FRMD8: variants seen among roughly 807,000 people sequenced by gnomAD.
The protein encoded by FRMD8 is FERM domain containing 8, also known as FERM domain-containing protein 8.
A neutral mutation model predicts 54.2 loss-of-function variants in FRMD8; 37 were observed. The observed-to-expected ratio is 0.68, with a 90% CI of 0.53 to 0.90. FRMD8 has a LOEUF of 0.90. Among genes scored for constraint, FRMD8 ranks in the 40% least tolerant of loss-of-function variants. The pLI is 0.00. For synonymous variants in FRMD8, 246 were observed against 286.9 expected (o/e 0.86, Z 1.44); for missense variants, 585 against 653.7 (o/e 0.89, Z 1.15).
At chr11:65,375,204 A>T in the FRMD8 span, 1 of 152,352 alleles carries the variant, frequency 6.6e-6, no homozygotes, top group East Asian at 1.9e-4. Flanking sequence ...TCATTTAACG[A>T]GCATTTATTG....
the FRMD8 span, chr11:65,379,199 T>C: frequency 1.4e-6 from 1 of 691,218 alleles, no homozygotes; most frequent in Non-Finnish European, 2.4e-6. Context: ...GCCCCCTCTG[T>C]TCCCCACAGC....
chr11:65,379,202 C>T, the FRMD8 span: 40 of 709,478 alleles, frequency 5.6e-5, no homozygotes, highest in Middle Eastern at 4.0e-4. Context: ...CCCTCTGTTC[C>T]CCACAGCCCT....
chr11:65,395,632 C>T (rs889145924), intron 6 of FRMD8, among the ~76,000 whole-genome samples: 1 of 152,234 alleles, frequency 6.6e-6, no homozygotes, highest in East Asian at 1.9e-4. Context: ...AGGCGGGGAA[C>T]CAACTGTGGG....
chr11:65,376,555 T>G, the FRMD8 span: 2 of 1,614,158 alleles, frequency 1.2e-6, no homozygotes, highest in East Asian at 4.5e-5. Flanking sequence ...CAGCATCCCC[T>G]GGTACACTCT....
chr11:65,384,864 C>T (rs1855705699), upstream of FRMD8, among the ~76,000 whole-genome samples: 1 of 152,094 alleles, frequency 6.6e-6, no homozygotes, highest in African/African-American at 2.4e-5. Flanking sequence ...AGATGTGTGC[C>T]ACCACACCTG....
chr11:65,370,395 G>A, the FRMD8 span, among the ~76,000 whole-genome samples: 1 of 147,556 alleles, frequency 6.8e-6, no homozygotes, highest in East Asian at 1.9e-4. Flanking sequence ...GGGGAGAATT[G>A]TACTGCCAAA....
chr11:65,401,466 C>G (rs1043635233), intron 9 of FRMD8, among the ~76,000 whole-genome samples: 1 of 146,872 alleles, frequency 6.8e-6, no homozygotes, highest in African/African-American at 2.5e-5. Context: ...CAGGACTGTT[C>G]CCACCCCTTC....
At chr11:65,384,083 C>A (rs1052269145), upstream of FRMD8, among the ~76,000 whole-genome samples, 1 of 152,154 alleles carries the variant, frequency 6.6e-6, no homozygotes, top group Non-Finnish European at 1.5e-5. Context: ...CTTTTCCAAT[C>A]TCACCGCCTC....
chr11:65,382,324 G>A, upstream of FRMD8: 1 of 293,310 alleles, frequency 3.4e-6, no homozygotes, highest in Admixed American at 4.2e-5. This position sits in a 1 kb window ranked among gnomAD's most constrained non-coding sequence, Gnocchi z 4.4. Context: ...TGCCCAGCCA[G>A]CCCAGCTCCA....
At chr11:65,406,608 G>A (rs535687244) in intron 10 of FRMD8, among the ~76,000 whole-genome samples, 41 of 151,792 alleles carry the variant, frequency 2.7e-4, no homozygotes, top group South Asian at 2.1e-3. Flanking sequence ...GATTACAGGC[G>A]TGAAACATCA....
At chr11:65,405,973 C>T (rs2137931642) in intron 10 of FRMD8, among the ~76,000 whole-genome samples, 1 of 152,062 alleles carries the variant, frequency 6.6e-6, no homozygotes, top group South Asian at 2.1e-4. Flanking sequence ...CCACTGCACT[C>T]CAGCCTGGGT....
intron 6 of FRMD8, 28 bp from the exon 7 acceptor site, chr11:65,396,771 G>T: frequency 7.0e-7 from 1 of 1,435,818 alleles, no homozygotes; most frequent in Non-Finnish European, 9.2e-7. Context: ...TGGTTGGGCC[G>T]CTAGCACCTG....
chr11:65,397,797 G>A (rs887028027), intron 7 of FRMD8, among the ~76,000 whole-genome samples: 4 of 151,734 alleles, frequency 2.6e-5, no homozygotes, highest in African/African-American at 9.7e-5. Context: ...CTGCAGGCTC[G>A]ACCTCCTGGG....
At chr11:65,397,734 CAG>C (rs1311863776) in intron 7 of FRMD8, among the ~76,000 whole-genome samples, 8 of 152,274 alleles carry the variant, frequency 5.3e-5, no homozygotes, top group Admixed American at 4.6e-4. Flanking sequence ...TGTTTTGAGA[CAG>C]GGTCTTGCTC....
intron 10 of FRMD8, among the ~76,000 whole-genome samples, chr11:65,406,289 G>A (rs1391105964): frequency 6.6e-6 from 1 of 151,482 alleles, no homozygotes; most frequent in Non-Finnish European, 1.5e-5. Flanking sequence ...CCACCTCCTG[G>A]GTTCACGCCA....
chr11:65,386,955 C>T, intron 1 of FRMD8, 82 bp from the exon 2 acceptor site: 1 of 1,240,150 alleles, frequency 8.1e-7, no homozygotes, highest in South Asian at 1.3e-5. Context: ...GGATCCCTTA[C>T]CGTACTCACC....
chr11:65,390,982 A>G (rs994147626), intron 3 of FRMD8, among the ~76,000 whole-genome samples: 11 of 152,236 alleles, frequency 7.2e-5, no homozygotes, highest in African/African-American at 1.9e-4. Context: ...GAGGCTGAAA[A>G]GCCACTTCAG....
At chr11:65,369,625 G>T in the FRMD8 span, among the ~76,000 whole-genome samples, 1 of 152,000 alleles carries the variant, frequency 6.6e-6, no homozygotes, top group Non-Finnish European at 1.5e-5. Context: ...AGCTATTGAG[G>T]AGGCTGAGAC....
intron 7 of FRMD8, 23 bp from the exon 8 acceptor site, chr11:65,399,713 G>A: frequency 6.2e-7 from 1 of 1,612,544 alleles, no homozygotes; most frequent in East Asian, 2.2e-5. Flanking sequence ...CTGGCCGGAG[G>A]CTGACCCCAG....
Sources: allele counts gnomAD v4.1 joint callset (sites outside exome capture counted in the v4.1 genomes callset), GRCh38; gene constraint gnomAD v4.1.1; non-coding constraint Gnocchi (gnomAD v3.1); transcripts MANE v1.5; gene names NCBI Gene and HGNC (gene_info 2026-07-23, HGNC 2026-07-21).